SEPHS1: variants seen among roughly 807,000 people sequenced by gnomAD.
SEPHS1 encodes the protein zincore component SEPHS1.
Under a neutral mutation model 39.2 loss-of-function variants are expected in SEPHS1, and 7 were observed. The observed-to-expected ratio is 0.18, with a 90% confidence interval of 0.10 to 0.34. The LOEUF (loss-of-function observed/expected upper bound fraction) is 0.34, where lower values mean the gene tolerates loss of function less well. Among genes scored for constraint, SEPHS1 ranks in the 10% least tolerant of loss-of-function variants. The probability of loss-of-function intolerance (pLI) is 1.00; values close to 1 mark genes in which losing one functional copy is unlikely to be tolerated. For synonymous variants in SEPHS1, 190 were observed against 195.5 expected (o/e 0.97, Z 0.23); for missense variants, 253 against 514.5 (o/e 0.49, Z 4.92).
chr10:13,336,465 C>T (rs1231606151), intron 3 of SEPHS1, 115 bp from the exon 4 acceptor site: 2 of 756,748 alleles, frequency 2.6e-6, no homozygotes, highest in Non-Finnish European at 4.7e-6. Context: ...GGAGTAGCAG[C>T]TACTAGGATG....
intron 8 of SEPHS1, among the ~76,000 whole-genome samples, chr10:13,320,579 C>T (rs138687985): frequency 0.012 from 1,874 of 151,882 alleles, 38 homozygotes; most frequent in African/African-American, 0.043. Flanking sequence ...GTGGGTCACA[C>T]GTGTAATCCC....
chr10:13,338,608 A>T (rs1833706883), intron 3 of SEPHS1, 97 bp downstream of exon 3: 7 of 969,552 alleles, frequency 7.2e-6, no homozygotes, highest in Non-Finnish European at 1.1e-5. Context: ...AACAGAAATA[A>T]AACCAAAACC....
intron 3 of SEPHS1, among the ~76,000 whole-genome samples, chr10:13,338,425 C>G (rs1220129117): frequency 6.6e-6 from 1 of 152,150 alleles, no homozygotes; most frequent in Non-Finnish European, 1.5e-5. Context: ...TGACATGCTA[C>G]TAAACAAGAG....
intron 5 of SEPHS1, 62 bp from the exon 6 acceptor site, chr10:13,329,850 T>C: frequency 7.7e-7 from 1 of 1,305,990 alleles, no homozygotes. Flanking sequence ...TCATTGTTAT[T>C]AACACAAGAG....
chr10:13,334,513 C>T (rs1833566474), intron 4 of SEPHS1, among the ~76,000 whole-genome samples: 2 of 152,046 alleles, frequency 1.3e-5, no homozygotes, highest in Admixed American at 1.3e-4. Context: ...TGCACTCCAG[C>T]CCTGGGCACA....
intron 8 of SEPHS1, chr10:13,321,936 C>A: frequency 1.6e-5 from 6 of 364,480 alleles, no homozygotes; most frequent in Non-Finnish European, 2.1e-5. Context: ...TATAAAAGCT[C>A]CCTAGGAGTC....
intron 7 of SEPHS1, among the ~76,000 whole-genome samples, chr10:13,325,946 CA>C (rs201372928): frequency 0.27 from 9,159 of 33,860 alleles, 667 homozygotes; most frequent in Non-Finnish European, 0.32. Flanking sequence ...GACTCAGTCT[CA>C]AAAAAAAAAA....
intron 6 of SEPHS1, among the ~76,000 whole-genome samples, chr10:13,329,221 GAATT>G (rs145884246): frequency 0.028 from 4,282 of 152,238 alleles, 89 homozygotes; most frequent in Non-Finnish European, 0.044. Flanking sequence ...CTGCACAAGA[GAATT>G]ATTTATCAAA....
At chr10:13,345,708 C>T (rs909726885) in intron 1 of SEPHS1, among the ~76,000 whole-genome samples, 2 of 152,056 alleles carry the variant, frequency 1.3e-5, no homozygotes, top group Non-Finnish European at 2.9e-5. Flanking sequence ...GAAACCCCGT[C>T]TCTACTAAAA....
rs187708852 is a variant in SEPHS1, at chr10:13,334,496, G to A, written c.406-525C>T. Reference sequence around the variant, plus strand: ...GCAGAGGTTGTAGTTAGCCAAGATCGCATCACTGCACTCCAGCCCTGGGCA... The same window carrying A: ...GCAGAGGTTGTAGTTAGCCAAGATCACATCACTGCACTCCAGCCCTGGGCA... On this transcript the variant is annotated intron_variant, in intron 4 of 8. Transcript: ENST00000327347. 5.7e-3 allele frequency among the ~76,000 whole-genome samples: 862 copies of A among 152,150 alleles called. 9 individuals are homozygous for A. The highest frequency in any genetic ancestry group is 0.019 in the African/African-American group (809 of 41,496).
At chr10:13,335,931 G>C (rs2130675994) in intron 4 of SEPHS1, among the ~76,000 whole-genome samples, 2 of 146,158 alleles carry the variant, frequency 1.4e-5, no homozygotes, top group Admixed American at 7.2e-5. Flanking sequence ...AGTGGACTGA[G>C]ATTGCGCCAC....
chr10:13,335,155 TG>T (rs1833588719), intron 4 of SEPHS1, among the ~76,000 whole-genome samples: 1 of 152,248 alleles, frequency 6.6e-6, no homozygotes, highest in African/African-American at 2.4e-5. Context: ...AATTCATCTC[TG>T]GTTCAAAGAA....
intron 8 of SEPHS1, chr10:13,322,063 C>T (rs1254287258): frequency 2.2e-6 from 1 of 455,664 alleles, no homozygotes; most frequent in Non-Finnish European, 4.4e-6. Flanking sequence ...AATTACTGCA[C>T]ATCTAAGAAA....
At position 13,344,934 on chromosome 10, in the gene SEPHS1, G is replaced by C. The variant is rs1274393616; in HGVS notation, c.17C>G (p.Ser6Cys). Residue 6 changes from serine (S) to cysteine (C), a missense_variant, in exon 2 of 9, where the codon TCC (serine) becomes TGC (cysteine). By Grantham distance (112) the Ser-to-Cys change is moderately radical. This residue lies in a region of SEPHS1 where 123 missense variants were observed against 196.8 expected (regional missense o/e 0.62). Transcript: ENST00000327347. MSTRE[S>C]FNPESYELDK... ...CAATTCGTAACTTTCCGGGTTAAAG[G>C]ACTCCCGCGTAGACATGGTTCTTGG... The C allele has an allele frequency of 4.4e-6, 7 of 1,583,242 alleles. No individual in the cohort carries two copies. Among genetic ancestry groups the C allele is most frequent in the African/African-American group, 1.4e-5 (1 of 74,068 alleles).
intron 3 of SEPHS1, 77 bp downstream of exon 3, chr10:13,338,628 C>G (rs1362259301): frequency 1.7e-5 from 19 of 1,134,046 alleles, no homozygotes; most frequent in Non-Finnish European, 2.3e-5. Context: ...CCCACAGATA[C>G]ATACAAAACC....
At chr10:13,335,121 C>T (rs1833588101) in intron 4 of SEPHS1, among the ~76,000 whole-genome samples, 1 of 152,224 alleles carries the variant, frequency 6.6e-6, no homozygotes, top group Non-Finnish European at 1.5e-5. Context: ...GGGACAAAAA[C>T]AAGTACCTGT....
intron 2 of SEPHS1, among the ~76,000 whole-genome samples, chr10:13,344,321 C>T (rs549871473): frequency 6.6e-6 from 1 of 152,144 alleles, no homozygotes; most frequent in Admixed American, 6.5e-5. Flanking sequence ...CTTCAGCTAA[C>T]AGAAAATTCA....
intron 5 of SEPHS1, among the ~76,000 whole-genome samples, chr10:13,332,423 T>G (rs1363643231): frequency 6.6e-6 from 1 of 152,214 alleles, no homozygotes; most frequent in Admixed American, 6.5e-5. Context: ...GAAAACATTC[T>G]GGAATTGGAT....
At chr10:13,319,850 A>G (rs529463935) in intron 8 of SEPHS1, among the ~76,000 whole-genome samples, 1 of 152,318 alleles carries the variant, frequency 6.6e-6, no homozygotes, top group Admixed American at 6.5e-5. Flanking sequence ...TATACACTCC[A>G]ACTTTCAACT....
Sources: gnomAD v4.1 joint callset for allele counts (sites outside exome capture counted in the v4.1 genomes callset) on GRCh38, gnomAD v4.1.1 for gene constraint, gnomAD v4.1.1 regional missense constraint, MANE v1.5 for transcripts, NCBI Gene and HGNC (gene_info 2026-07-23, HGNC 2026-07-21) for gene names.